SLC35D1: variants seen among roughly 807,000 people sequenced by gnomAD.
SLC35D1 encodes the protein nucleotide sugar transporter SLC35D1.
A neutral mutation model predicts 46.7 loss-of-function variants in SLC35D1; 31 were observed. The ratio of observed to expected loss-of-function variants is 0.66; its 90% CI spans 0.50 to 0.90. SLC35D1 has a LOEUF of 0.90. Ranked by LOEUF, SLC35D1 falls within the 40% of genes least tolerant of loss-of-function variation. The pLI is 0.00. For missense variants in SLC35D1, 397 were observed against 426.2 expected, an observed-to-expected ratio of 0.93 and a Z score of 0.60; for synonymous variants, 195 against 164.6, an observed-to-expected ratio of 1.18 and a Z score of -1.41.
At chr1:67,008,621 T>C (rs1189390480) in intron 11 of SLC35D1, among the ~76,000 whole-genome samples, 1 of 152,150 alleles carries the variant, frequency 6.6e-6, no homozygotes, top group Non-Finnish European at 1.5e-5. Flanking sequence ...GCAAACACAG[T>C]CTACTTCTCC....
chr1:67,047,116 G>A, intron 7 of SLC35D1, 149 bp downstream of exon 7: 1 of 631,258 alleles, frequency 1.6e-6, no homozygotes, highest in South Asian at 1.8e-5. Context: ...TTTCTTATAT[G>A]AACACTAAAG....
chr1:66,994,206 A>C, the SLC35D1 span, among the ~76,000 whole-genome samples: 1 of 152,204 alleles, frequency 6.6e-6, no homozygotes, highest in African/African-American at 2.4e-5. Context: ...GACTCCGGTG[A>C]GATGATTAGT....
the SLC35D1 span, among the ~76,000 whole-genome samples, chr1:66,989,822 A>G: frequency 6.6e-6 from 1 of 152,216 alleles, no homozygotes; most frequent in South Asian, 2.1e-4. Flanking sequence ...TCTTCCAGAA[A>G]CAAGATCAGG....
downstream of SLC35D1, among the ~76,000 whole-genome samples, chr1:66,995,979 A>G (rs1256415248): frequency 1.3e-5 from 2 of 152,216 alleles, no homozygotes; most frequent in Non-Finnish European, 2.9e-5. Context: ...ATGGTATATG[A>G]AATATATTCT....
At chr1:67,021,745 A>C in intron 8 of SLC35D1, 143 bp from the exon 9 acceptor site, 1 of 714,170 alleles carries the variant, frequency 1.4e-6, no homozygotes, top group Non-Finnish European at 2.5e-6. Flanking sequence ...ACACACACAC[A>C]CACACACACA....
the SLC35D1 span, among the ~76,000 whole-genome samples, chr1:66,982,535 A>G: frequency 2.0e-5 from 3 of 152,214 alleles, no homozygotes; most frequent in African/African-American, 7.2e-5. Flanking sequence ...CAGTAGTAAG[A>G]GCCAGAGAAT....
At chr1:67,052,881 C>G (rs772349361) in intron 2 of SLC35D1, 24 bp from the exon 3 acceptor site, 1 of 1,613,904 alleles carries the variant, frequency 6.2e-7, no homozygotes, top group East Asian at 2.2e-5. Flanking sequence ...AACACAGATT[C>G]ACTGTTCTAC....
At chr1:66,974,743 G>A in the SLC35D1 span, among the ~76,000 whole-genome samples, 1 of 152,066 alleles carries the variant, frequency 6.6e-6, no homozygotes, top group East Asian at 1.9e-4. Flanking sequence ...TTACTCTAGT[G>A]CACAAAAAGA....
chr1:67,027,193 C>A lies in SLC35D1; in HGVS notation c.730-5591G>T, dbSNP rs1409092041. Among the ~76,000 whole-genome samples, 5 of 151,990 alleles carry A rather than the reference C, an allele frequency of 3.3e-5. No individual in the cohort carries two copies. The East Asian group carries it at 7.7e-4, about 23-fold the overall frequency. ...TTGGCATAATATTGTTCATAATATT[C>A]TCTTACTATTCTTTTAAAATATACC... On this transcript the variant is annotated intron_variant, in intron 8 of 11. Transcript: ENST00000235345.
chr1:66,983,184 T>A, the SLC35D1 span, among the ~76,000 whole-genome samples: 8 of 152,328 alleles, frequency 5.3e-5, no homozygotes, highest in South Asian at 6.2e-4. Context: ...GAACTTTTCA[T>A]CCCAATGTTA....
chr1:66,977,391 T>TAATCC, the SLC35D1 span, among the ~76,000 whole-genome samples: 1 of 152,066 alleles, frequency 6.6e-6, no homozygotes, highest in Non-Finnish European at 1.5e-5. Context: ...ATTACAGGAG[T>TAATCC]GAGCCACTGT....
intron 11 of SLC35D1, among the ~76,000 whole-genome samples, chr1:67,008,010 A>T (rs1667485631): frequency 6.6e-6 from 1 of 152,182 alleles, no homozygotes; most frequent in African/African-American, 2.4e-5. Flanking sequence ...GGTCAACAAG[A>T]TTTTCTTTTA....
At chr1:67,017,338 T>C (rs533080809) in intron 10 of SLC35D1, among the ~76,000 whole-genome samples, 1 of 152,304 alleles carries the variant, frequency 6.6e-6, no homozygotes, top group African/African-American at 2.4e-5. Context: ...GCCTCATTAA[T>C]TGTTATTGTT....
At chr1:66,993,248 A>C in the SLC35D1 span, among the ~76,000 whole-genome samples, 1 of 152,232 alleles carries the variant, frequency 6.6e-6, no homozygotes, top group Non-Finnish European at 1.5e-5. Context: ...CATGGAGTAC[A>C]AAACAGGTTG....
chr1:67,049,127 T>C (rs1645282008), intron 6 of SLC35D1, among the ~76,000 whole-genome samples: 2 of 152,072 alleles, frequency 1.3e-5, no homozygotes, highest in Admixed American at 1.3e-4. Flanking sequence ...ACTCCGTGTC[T>C]ACTAAGAATA....
chr1:66,988,451 C>A, the SLC35D1 span: 37 of 152,400 alleles, frequency 2.4e-4, no homozygotes, highest in Admixed American at 2.0e-3. Context: ...TTTTCTAATA[C>A]CAGTTTTCCA....
rs115483346 is a variant in SLC35D1, at chr1:67,012,399, C to T, written c.877-3232G>A. On this transcript the variant is annotated intron_variant, in intron 10 of 11. Coordinates refer to ENST00000235345, the MANE Select transcript of SLC35D1 (RefSeq NM_015139.3). Reference sequence around the variant, plus strand: ...GAACTTTGGGAAGGCTCTTCTATGCCCTCTCCAAGAACACATTTCTAAACC... The same window carrying T: ...GAACTTTGGGAAGGCTCTTCTATGCTCTCTCCAAGAACACATTTCTAAACC... Among the ~76,000 whole-genome samples, 896 of 151,786 alleles carry T rather than the reference C, an allele frequency of 5.9e-3. 8 individuals carry two copies. Among genetic ancestry groups the T allele is most frequent in the African/African-American group, 0.02 (836 of 41,410 alleles).
chr1:67,030,430 C>A (rs1266516375), intron 8 of SLC35D1, among the ~76,000 whole-genome samples: 3 of 152,028 alleles, frequency 2.0e-5, no homozygotes, highest in African/African-American at 7.3e-5. Flanking sequence ...ATTCTCTGAA[C>A]CTTAGTTTCT....
chr1:67,013,622 G>A (rs1667620859), intron 10 of SLC35D1, among the ~76,000 whole-genome samples: 1 of 151,766 alleles, frequency 6.6e-6, no homozygotes, highest in African/African-American at 2.4e-5. Flanking sequence ...GCTGTCTTTG[G>A]TACAACATAA....
Sources: gnomAD v4.1 joint callset for allele counts (sites outside exome capture counted in the v4.1 genomes callset) on GRCh38, gnomAD v4.1.1 for gene constraint, MANE v1.5 for transcripts, NCBI Gene and HGNC (gene_info 2026-07-23, HGNC 2026-07-21) for gene names.